The following TFAP2D variants were observed in gnomAD, a reference collection of about 807,000 sequenced individuals.
The protein encoded by TFAP2D is transcription factor AP-2 delta, also known as transcription factor AP-2-delta.
TFAP2D carries 9 observed loss-of-function variants against 43.6 expected under a neutral mutation model. The ratio of observed to expected loss-of-function variants is 0.21; its 90% confidence interval spans 0.12 to 0.36. TFAP2D has a LOEUF of 0.36. TFAP2D is among the 10% of genes least tolerant of loss of function. TFAP2D has a pLI of 1.00. For synonymous variants in TFAP2D, 256 were observed against 224.9 expected (o/e 1.14, Z -1.24); for missense variants, 513 against 561.4 (o/e 0.91, Z 0.87).
At chr6:50,744,070 CA>C (rs770693727) in intron 5 of TFAP2D, among the ~76,000 whole-genome samples, 1 of 152,108 alleles carries the variant, frequency 6.6e-6, no homozygotes, top group Non-Finnish European at 1.5e-5. Flanking sequence ...CTTTTAGGTT[CA>C]GGGGTGCATG....
intron 5 of TFAP2D, 30 bp downstream of exon 5, chr6:50,729,342 C>A (rs200407708): frequency 7.6e-6 from 12 of 1,581,746 alleles, no homozygotes; most frequent in Non-Finnish European, 1.0e-5. Context: ...CAAAATAATG[C>A]TGGAAGGTTG....
chr6:50,734,240 C>T (rs556483825), intron 5 of TFAP2D, among the ~76,000 whole-genome samples: 8 of 151,992 alleles, frequency 5.3e-5, no homozygotes, highest in African/African-American at 1.9e-4. Flanking sequence ...ATCTATTAAC[C>T]CTTTGCCTGG....
At chr6:50,716,232 C>T (rs559132282) in intron 2 of TFAP2D, among the ~76,000 whole-genome samples, 28 of 152,190 alleles carry the variant, frequency 1.8e-4, no homozygotes, top group African/African-American at 6.5e-4. Context: ...AAGTTCTACC[C>T]CAAGGAAATA....
At chr6:50,758,151 G>A (rs984385737) in intron 7 of TFAP2D, among the ~76,000 whole-genome samples, 1 of 151,800 alleles carries the variant, frequency 6.6e-6, no homozygotes, top group Middle Eastern at 3.4e-3. Context: ...TACCTTCTTA[G>A]AAATATACCC....
At chr6:50,769,087 G>A (rs575447024) in intron 7 of TFAP2D, among the ~76,000 whole-genome samples, 75 of 151,898 alleles carry the variant, frequency 4.9e-4, no homozygotes, top group Non-Finnish European at 1.0e-3. Flanking sequence ...AGTAGAGACA[G>A]GGTTTCACCA....
chr6:50,715,928 A>G (rs1768619213), intron 2 of TFAP2D, among the ~76,000 whole-genome samples: 1 of 152,060 alleles, frequency 6.6e-6, no homozygotes, highest in African/African-American at 2.4e-5. Flanking sequence ...GTCTTTTGTG[A>G]ATCAACATTT....
intron 2 of TFAP2D, among the ~76,000 whole-genome samples, chr6:50,718,583 G>A (rs555085696): frequency 3.3e-5 from 5 of 152,198 alleles, no homozygotes; most frequent in South Asian, 2.1e-4. Context: ...TCCTTCATAC[G>A]GCCCATTTTG....
chr6:50,769,996 G>A (rs1026376659), intron 7 of TFAP2D, among the ~76,000 whole-genome samples: 2 of 152,150 alleles, frequency 1.3e-5, no homozygotes, highest in African/African-American at 4.8e-5. Flanking sequence ...TAGATGAAGA[G>A]GTGAGTCACA....
intron 7 of TFAP2D, among the ~76,000 whole-genome samples, chr6:50,769,201 G>A (rs141424798): frequency 2.6e-5 from 4 of 151,980 alleles, no homozygotes; most frequent in Non-Finnish European, 5.9e-5. Flanking sequence ...GCCCTGAAGT[G>A]GTTTTTCAAC....
At chr6:50,761,897 A>G (rs1370949453) in intron 7 of TFAP2D, among the ~76,000 whole-genome samples, 4 of 152,104 alleles carry the variant, frequency 2.6e-5, no homozygotes, top group Admixed American at 6.5e-5. Context: ...AGATAAATGT[A>G]GGTAAGGCCT....
intron 7 of TFAP2D, among the ~76,000 whole-genome samples, 190 bp from the exon 8 acceptor site, chr6:50,772,455 G>A (rs547531933): frequency 3.1e-4 from 47 of 152,150 alleles, no homozygotes; most frequent in African/African-American, 9.2e-4. Flanking sequence ...TTCCAAACTG[G>A]TCCTACATTT....
At chr6:50,757,695 A>G (rs1339391368) in intron 7 of TFAP2D, among the ~76,000 whole-genome samples, 8 of 80,782 alleles carry the variant, frequency 9.9e-5, no homozygotes, top group African/African-American at 4.4e-4. Context: ...AATATATATA[A>G]TTATTCTATA....
intron 7 of TFAP2D, among the ~76,000 whole-genome samples, chr6:50,762,950 CA>C (rs1354712675): frequency 2.6e-5 from 4 of 152,106 alleles, no homozygotes; most frequent in Non-Finnish European, 5.9e-5. Context: ...CTCCAAACCT[CA>C]AATTTTGACC....
intron 2 of TFAP2D, among the ~76,000 whole-genome samples, chr6:50,716,418 A>G (rs1334979090): frequency 1.3e-5 from 2 of 151,894 alleles, no homozygotes; most frequent in Non-Finnish European, 2.9e-5. Context: ...AGTAACGGTA[A>G]TGAAAGAGGG....
At position 50,726,621 on chromosome 6, in the gene TFAP2D, ACTTAT is replaced by A. The variant is rs1484588700; in HGVS notation, c.599-2232_599-2228del. On this transcript the variant is annotated intron_variant, in intron 3 of 7. Transcript: ENST00000008391. ...TCTTTGTTTAATATATTTGGGGTAG[ACTTAT>A]CTAATTCCTAAAATAATCAGGATCA... Among the ~76,000 whole-genome samples the A allele has an allele frequency of 9.2e-5, 14 of 152,362 alleles. No homozygotes were observed. The South Asian group carries it at 2.5e-3, about 27-fold the overall frequency.
chr6:50,757,942 A>G (rs1769312505), intron 7 of TFAP2D, among the ~76,000 whole-genome samples: 1 of 149,102 alleles, frequency 6.7e-6, no homozygotes, highest in Non-Finnish European at 1.5e-5. Context: ...TTTTATCCAT[A>G]GTACATAGCG....
In TFAP2D at chr6:50,745,207, G is replaced by A. The variant is rs1280755038; in HGVS notation, c.984G>A (p.Gln328=). The A allele has an allele frequency of 1.9e-6, 3 of 1,613,662 alleles. No individual in the cohort carries two copies. The highest frequency in any genetic ancestry group is 8.5e-7 in the Non-Finnish European group (1 of 1,179,744). The change falls in exon 6 of 8, where the codon CAG becomes CAA. Residue 328 remains glutamine (Q), a synonymous_variant. Transcript: ENST00000008391. ...GEHLARQHME[Q]KEQTARKKMI... ...ATCTTGCCAGACAACATATGGAACA[G>A]AAAGAACAGACAGCAAGAAAAAAGA...
intron 3 of TFAP2D, among the ~76,000 whole-genome samples, chr6:50,723,852 A>T (rs1374027824): frequency 6.6e-6 from 1 of 152,050 alleles, no homozygotes; most frequent in Non-Finnish European, 1.5e-5. Context: ...CACACACCCT[A>T]ATATACACCA....
chr6:50,721,378 C>A (rs1301026302), intron 3 of TFAP2D, among the ~76,000 whole-genome samples: 4 of 152,150 alleles, frequency 2.6e-5, no homozygotes, highest in Admixed American at 1.3e-4. Context: ...GGCCAGTTAA[C>A]CTAGTTGAGC....
Sources: allele counts gnomAD v4.1 joint callset (sites outside exome capture counted in the v4.1 genomes callset), GRCh38; gene constraint gnomAD v4.1.1; transcripts MANE v1.5; gene names NCBI Gene and HGNC (gene_info 2026-07-23, HGNC 2026-07-21).